Variants in NPAS3 observed in about 807,000 individuals in gnomAD.
NPAS3 encodes the protein neuronal PAS domain-containing protein 3.
Under a neutral mutation model 73.1 loss-of-function variants are expected in NPAS3, and 14 were observed. The ratio of observed to expected loss-of-function variants is 0.19; its 90% CI spans 0.13 to 0.30. NPAS3 has a LOEUF of 0.30. NPAS3 is among the 10% of genes least tolerant of loss of function. The pLI is 1.00. For missense variants in NPAS3, 1,096 were observed against 1,250.0 expected (o/e 0.88, Z 1.86); for synonymous variants, 620 against 541.5 (o/e 1.14, Z -2.01).
chr14:33,069,415 A>G (rs1255477804), intron 2 of NPAS3, among the ~76,000 whole-genome samples: 3 of 152,194 alleles, frequency 2.0e-5, no homozygotes, highest in African/African-American at 7.2e-5. Context: ...CAAACTTTTA[A>G]AAAGGTACTC....
At chr14:33,492,519 G>T (rs1294123814) in intron 4 of NPAS3, among the ~76,000 whole-genome samples, 1 of 152,120 alleles carries the variant, frequency 6.6e-6, no homozygotes, top group Non-Finnish European at 1.5e-5. Flanking sequence ...CTCCTACCCA[G>T]GATGGTAATT....
intron 3 of NPAS3, among the ~76,000 whole-genome samples, chr14:33,290,689 A>G (rs2042064260): frequency 6.6e-6 from 1 of 152,220 alleles, no homozygotes; most frequent in Admixed American, 6.5e-5. Context: ...ATTTTTTAAA[A>G]TTGCATGTTG....
chr14:33,518,290 T>C (rs2053396276), intron 4 of NPAS3, among the ~76,000 whole-genome samples: 2 of 150,920 alleles, frequency 1.3e-5, no homozygotes, highest in South Asian at 2.1e-4. Flanking sequence ...AGGTAACTCA[T>C]GGTGGGGGTG....
At chr14:33,604,173 A>G (rs757393584) in intron 5 of NPAS3, among the ~76,000 whole-genome samples, 8 of 152,152 alleles carry the variant, frequency 5.3e-5, no homozygotes, top group Non-Finnish European at 1.0e-4. Flanking sequence ...ATAAATAATT[A>G]TATTAATTGT....
intron 4 of NPAS3, among the ~76,000 whole-genome samples, chr14:33,384,692 C>G (rs566626218): frequency 6.6e-6 from 1 of 152,256 alleles, no homozygotes; most frequent in East Asian, 1.9e-4. Flanking sequence ...ATCGCTCTAT[C>G]CCACTCCAGC....
At chr14:33,190,021 G>A (rs912524940) in intron 2 of NPAS3, among the ~76,000 whole-genome samples, 3 of 152,006 alleles carry the variant, frequency 2.0e-5, no homozygotes, top group Non-Finnish European at 4.4e-5. Context: ...GTTTTTTAAT[G>A]TGTATATTCT....
chr14:33,672,011 T>C (rs1476611859), intron 5 of NPAS3, among the ~76,000 whole-genome samples: 1 of 152,190 alleles, frequency 6.6e-6, no homozygotes, highest in Non-Finnish European at 1.5e-5. Context: ...ATTTCTACTA[T>C]TGGTGATATC....
intron 4 of NPAS3, among the ~76,000 whole-genome samples, chr14:33,534,217 TA>T (rs5807733): frequency 0.79 from 109,857 of 138,390 alleles, 43,596 homozygotes; most frequent in East Asian, 0.91. Context: ...CACAGAGCAG[TA>T]AAAAAAAAAA....
At chr14:33,191,968 T>A (rs2046187127) in intron 2 of NPAS3, among the ~76,000 whole-genome samples, 1 of 152,326 alleles carries the variant, frequency 6.6e-6, no homozygotes, top group East Asian at 1.9e-4. Flanking sequence ...GTGGTTTTTT[T>A]AAAAACAGTA....
At chr14:33,234,953 G>A (rs556795874) in intron 3 of NPAS3, among the ~76,000 whole-genome samples, 2 of 151,974 alleles carry the variant, frequency 1.3e-5, no homozygotes, top group South Asian at 4.1e-4. Context: ...GTCTGTAATG[G>A]CAAAGTAAAA....
intron 2 of NPAS3, among the ~76,000 whole-genome samples, chr14:33,143,192 G>A (rs144687449): frequency 3.1e-4 from 46 of 150,690 alleles, no homozygotes; most frequent in African/African-American, 9.0e-4. Context: ...AGTTTATAAG[G>A]TTAAAAAAAG....
intron 5 of NPAS3, among the ~76,000 whole-genome samples, chr14:33,627,974 A>G (rs752122233): frequency 4.6e-5 from 7 of 152,220 alleles, no homozygotes; most frequent in Non-Finnish European, 2.9e-5. Flanking sequence ...AAATGCAAAC[A>G]TGGTGAACAA....
At chr14:33,004,816 C>CTTTTTTTTTTTTTTTTT (rs1566455727) in intron 1 of NPAS3, among the ~76,000 whole-genome samples, 1 of 21,874 alleles carries the variant, frequency 4.6e-5, no homozygotes, top group Non-Finnish European at 1.1e-4. Flanking sequence ...AAAAAGTTTT[C>CTTTTTTTTTTTTTTTTT]CTTTTTTTTT....
upstream of NPAS3, among the ~76,000 whole-genome samples, chr14:32,937,475 T>G (rs981225920): frequency 1.3e-5 from 2 of 151,988 alleles, no homozygotes; most frequent in Non-Finnish European, 2.9e-5. Context: ...ACTGGCAACT[T>G]TTTCCCTTCT....
chr14:33,188,139 T>G (rs910015389), intron 2 of NPAS3, among the ~76,000 whole-genome samples: 4 of 152,244 alleles, frequency 2.6e-5, no homozygotes, highest in Admixed American at 1.3e-4. Flanking sequence ...AATGTCGCTG[T>G]GAGGATTACT....
intron 4 of NPAS3, among the ~76,000 whole-genome samples, chr14:33,409,095 C>A (rs1005094266): frequency 6.6e-6 from 1 of 152,128 alleles, no homozygotes; most frequent in African/African-American, 2.4e-5. Flanking sequence ...GAATTAAATG[C>A]TTGACTTTAT....
At chr14:33,104,904 T>A (rs1338798027) in intron 2 of NPAS3, among the ~76,000 whole-genome samples, 5 of 152,184 alleles carry the variant, frequency 3.3e-5, no homozygotes, top group Non-Finnish European at 5.9e-5. Context: ...ATAGTTCAGT[T>A]TATGAAGAAG....
intron 3 of NPAS3, among the ~76,000 whole-genome samples, chr14:33,223,836 C>CAAA (rs71118533): frequency 8.1e-5 from 12 of 148,800 alleles, no homozygotes; most frequent in Non-Finnish European, 1.6e-4. Context: ...AAATGTATGG[C>CAAA]AAAAAAAAAA....
intron 3 of NPAS3, among the ~76,000 whole-genome samples, chr14:33,340,214 GC>G (rs1420844199): frequency 6.6e-6 from 1 of 152,114 alleles, no homozygotes; most frequent in Non-Finnish European, 1.5e-5. Context: ...TTTTTTCCTG[GC>G]TAGGCATAGT....
Sources: gnomAD v4.1 joint callset for allele counts (sites outside exome capture counted in the v4.1 genomes callset) on GRCh38, gnomAD v4.1.1 for gene constraint, MANE v1.5 for transcripts, NCBI Gene and HGNC (gene_info 2026-07-23, HGNC 2026-07-21) for gene names.